CCDC68: variants seen among roughly 807,000 people sequenced by gnomAD.
CCDC68 encodes coiled-coil domain-containing protein 68.
CCDC68 carries 45 observed loss-of-function variants against 47.1 expected under a neutral mutation model. That is an observed-to-expected ratio of 0.96 (90% CI 0.75 to 1.23). The LOEUF (loss-of-function observed/expected upper bound fraction) is 1.23. CCDC68 is among the 50% of genes most tolerant of loss of function. CCDC68 has a pLI of 0.00. For missense variants in CCDC68, 353 were observed against 373.6 expected (o/e 0.94, Z 0.45); for synonymous variants, 131 against 129.5 (o/e 1.01, Z -0.08).
chr18:54,912,222 C>T (rs549381885), intron 10 of CCDC68, among the ~76,000 whole-genome samples: 9 of 151,824 alleles, frequency 5.9e-5, no homozygotes, highest in Non-Finnish European at 8.8e-5. Context: ...AGGTCCTTAG[C>T]GAAGAAACTA....
In CCDC68 at chr18:54,904,087, T is replaced by A; in HGVS notation, c.*271A>T. 6.3e-6 allele frequency: 1 copy of A among 159,006 alleles called. No homozygotes were observed. The highest frequency in any genetic ancestry group is 1.2e-5 in the Non-Finnish European group (1 of 86,218). The allele number at this position is 159,006 out of a possible 1,614,324, so 9.8% of individuals were successfully genotyped here. A position where few individuals can be genotyped will look rare whatever the true frequency, so the allele number is the denominator to read the frequency against. On this transcript the variant is annotated 3_prime_UTR_variant, in exon 12 of 12. Coordinates refer to ENST00000591504, the MANE Select transcript of CCDC68 (RefSeq NM_025214.3). ...AAAATCTGAAAACAAGATTCAGATT[T>A]TTTTTTTTTTTTAATTTAAAGCAGA...
chr18:54,950,633 A>C (rs931016594), intron 1 of CCDC68, among the ~76,000 whole-genome samples: 4 of 152,184 alleles, frequency 2.6e-5, no homozygotes, highest in Admixed American at 6.5e-5. Context: ...CTTAGATATA[A>C]GATAAAAGCT....
intron 6 of CCDC68, 51 bp from the exon 7 acceptor site, chr18:54,934,999 T>A: frequency 4.3e-6 from 6 of 1,390,332 alleles, no homozygotes; most frequent in Non-Finnish European, 4.7e-6. Context: ...TTCTTAAACC[T>A]ATACACATAT....
At chr18:54,941,105 A>T (rs199501978) in intron 3 of CCDC68, 22 bp from the exon 4 acceptor site, 1 of 1,567,614 alleles carries the variant, frequency 6.4e-7, no homozygotes, top group South Asian at 1.1e-5. Flanking sequence ...AAACAAAACC[A>T]TTTGTTTCAA....
At position 54,942,740 on chromosome 18, in the gene CCDC68, C is replaced by T. The variant is rs140136600; in HGVS notation, c.52G>A (p.Asp18Asn). ...TEIPPRDKMEDNSALYESTSA... is the reference protein window; with the variant it reads ...TEIPPRDKMENNSALYESTSA... ...GTAGACTCATACAAGGCAGAATTATCTTCCATCTTATCCCTTGGGGGAATT... is the reference window on the plus strand; with the variant it reads ...GTAGACTCATACAAGGCAGAATTATTTTCCATCTTATCCCTTGGGGGAATT... The change falls in exon 3 of 12, where the codon GAT (aspartate) becomes AAT (asparagine). Residue 18 changes from aspartate to asparagine, a missense_variant. Asp to Asn is a conservative substitution (Grantham distance 23). Transcript: ENST00000591504. 13 of 1,612,666 alleles carry T rather than the reference C, an allele frequency of 8.1e-6. No homozygotes were observed. The highest frequency in any genetic ancestry group is 1.0e-5 in the Non-Finnish European group (12 of 1,179,336).
Position 54,936,295 on chromosome 18 carries a change from A to T in CCDC68, c.471+538T>A, listed in dbSNP as rs1337195021. ...GTTATATATTTTTAAATAATATATA[A>T]AAATATAAATATATAAAATATATAA... On this transcript the variant is annotated intron_variant, in intron 6 of 11. Coordinates refer to ENST00000591504, the MANE Select transcript of CCDC68 (RefSeq NM_025214.3). Among the ~76,000 whole-genome samples the T allele has an allele frequency of 2.1e-5, 3 of 146,324 alleles. No homozygotes were observed. The East Asian group carries it at 5.9e-4, about 29-fold the overall frequency.
Position 54,936,972 on chromosome 18 carries a change from C to T in CCDC68, c.346-14G>A. The T allele has an allele frequency of 1.2e-6, 2 of 1,613,938 alleles. No homozygotes were observed. Among genetic ancestry groups the T allele is most frequent in the African/African-American group, 2.7e-5 (2 of 75,044 alleles). ...GGAGGCTTGCAGCTAGAAAAAAGGTCACTATGCATGTTCTGACATTTACAA... is the reference window on the plus strand; with the variant it reads ...GGAGGCTTGCAGCTAGAAAAAAGGTTACTATGCATGTTCTGACATTTACAA... On this transcript the variant is annotated splice_polypyrimidine_tract_variant and intron_variant, in intron 5 of 11. Transcript: ENST00000591504.
intron 1 of CCDC68, among the ~76,000 whole-genome samples, chr18:54,958,651 G>A (rs985911065): frequency 2.0e-5 from 3 of 152,128 alleles, no homozygotes; most frequent in Admixed American, 2.0e-4. Context: ...CAAAAAGGCT[G>A]AAAATTCACA....
At chr18:54,915,295 C>T (rs1474704420) in intron 10 of CCDC68, among the ~76,000 whole-genome samples, 1 of 152,200 alleles carries the variant, frequency 6.6e-6, no homozygotes, top group African/African-American at 2.4e-5. Flanking sequence ...GGACTCATGT[C>T]TATTTTGTTC....
chr18:54,917,076 A>G (rs1644199825), intron 10 of CCDC68, among the ~76,000 whole-genome samples: 1 of 152,146 alleles, frequency 6.6e-6, no homozygotes, highest in Non-Finnish European at 1.5e-5. Context: ...AGTCTTGGGT[A>G]TGTCTTTATT....
At chr18:54,913,833 AAAAATAAAAT>A (rs928237379) in intron 10 of CCDC68, among the ~76,000 whole-genome samples, 1 of 152,158 alleles carries the variant, frequency 6.6e-6, no homozygotes, top group African/African-American at 2.4e-5. Context: ...ATAACAAAAT[AAAAATAAAAT>A]AAAATAAAAT....
rs1164368081 is a variant in CCDC68 at position 54,945,478 on chromosome 18, C to G, written c.-102-1G>C. On this transcript the variant is annotated splice_acceptor_variant, in intron 1 of 11. Coordinates refer to ENST00000591504, the MANE Select transcript of CCDC68 (RefSeq NM_025214.3). LOFTEE classifies it low-confidence loss of function (5UTR_SPLICE). ...TTCCATCATATTAAGACTGGCTTCCCTGGAGAGAAACAATAACAACAACAA... is the reference window on the plus strand; with the variant it reads ...TTCCATCATATTAAGACTGGCTTCCGTGGAGAGAAACAATAACAACAACAA... 1 of 151,924 alleles carries G rather than the reference C, an allele frequency of 6.6e-6. No individual in the cohort carries two copies. The highest frequency in any genetic ancestry group is 2.4e-5 in the African/African-American group (1 of 41,340). 9.4% of individuals were successfully genotyped at this position (151,924 alleles called of 1,614,324 possible).
chr18:54,955,910 G>T (rs1421919557), intron 1 of CCDC68, among the ~76,000 whole-genome samples: 5 of 151,846 alleles, frequency 3.3e-5, no homozygotes, highest in African/African-American at 1.2e-4. Context: ...TTTTAGTAGA[G>T]AAGGGGTTTT....
chr18:54,956,935 A>C (rs139313424), intron 1 of CCDC68, among the ~76,000 whole-genome samples: 2 of 152,320 alleles, frequency 1.3e-5, no homozygotes, highest in East Asian at 3.9e-4. Flanking sequence ...TTTAAAAAAA[A>C]ATACAGAAGG....
rs775527596 is a variant in CCDC68 at position 54,904,323 on chromosome 18, G to A, written c.*35C>T. On this transcript the variant is annotated 3_prime_UTR_variant, in exon 12 of 12. Coordinates refer to ENST00000591504, the MANE Select transcript of CCDC68 (RefSeq NM_025214.3). ...GTTTCAGAGAATAAATAAGACTCACGCAGTCTTTCTAAATCAGATCTTCAT... is the reference window on the plus strand; with the variant it reads ...GTTTCAGAGAATAAATAAGACTCACACAGTCTTTCTAAATCAGATCTTCAT... 1.8e-5 allele frequency: 27 copies of A among 1,495,998 alleles called. No homozygotes were observed. The highest frequency in any genetic ancestry group is 6.7e-5 in the Admixed American group (4 of 59,396). 92.7% of individuals were successfully genotyped at this position (1,495,998 alleles called of 1,614,324 possible). A position where few individuals can be genotyped will look rare whatever the true frequency, so the allele number is the denominator to read the frequency against.
In CCDC68 at chr18:54,904,028, A is replaced by C. The variant is rs961875079; in HGVS notation, c.*330T>G. The C allele has an allele frequency of 4.3e-6, 1 of 232,906 alleles. No homozygotes were observed. Among genetic ancestry groups the C allele is most frequent in the Non-Finnish European group, 8.4e-6 (1 of 119,756 alleles). 14.4% of individuals were successfully genotyped at this position (232,906 alleles called of 1,614,324 possible). ...TTAAAAACCACTATAAAAAAGTCAG[A>C]ATTGACAATCTTAAAACAATCCCAG... On this transcript the variant is annotated 3_prime_UTR_variant, in exon 12 of 12. Coordinates refer to ENST00000591504, the MANE Select transcript of CCDC68 (RefSeq NM_025214.3).
chr18:54,951,423 A>G (rs1426439630), intron 1 of CCDC68, among the ~76,000 whole-genome samples: 1 of 152,198 alleles, frequency 6.6e-6, no homozygotes, highest in Admixed American at 6.5e-5. Context: ...TATGCTCTCT[A>G]TAATACTTCT....
intron 8 of CCDC68, among the ~76,000 whole-genome samples, chr18:54,920,236 CTTTTTTT>C (rs58528142): frequency 7.4e-6 from 1 of 135,236 alleles, no homozygotes. Context: ...TTTCTTTTTT[CTTTTTTT>C]TTTTTTTTTT....
chr18:54,908,477 GC>G (rs1279835121), intron 10 of CCDC68, among the ~76,000 whole-genome samples: 1 of 152,204 alleles, frequency 6.6e-6, no homozygotes, highest in African/African-American at 2.4e-5. Flanking sequence ...TCATGCAACA[GC>G]TAAGAACAGG....
Sources: gnomAD v4.1 joint callset for allele counts (sites outside exome capture counted in the v4.1 genomes callset) on GRCh38, gnomAD v4.1.1 for gene constraint, MANE v1.5 for transcripts, NCBI Gene and HGNC (gene_info 2026-07-23, HGNC 2026-07-21) for gene names.